Variants in SGK1 observed in about 807,000 individuals in gnomAD.
SGK1 encodes serine/threonine-protein kinase Sgk1.
A neutral mutation model predicts 64.2 loss-of-function variants in SGK1; 26 were observed. That is an observed-to-expected ratio of 0.40 (90% CI 0.30 to 0.56). SGK1 has a LOEUF of 0.56. Ranked by LOEUF, SGK1 falls within the 20% of genes least tolerant of loss-of-function variation. SGK1 has a pLI of 0.38. For synonymous variants in SGK1, 265 were observed against 239.7 expected (o/e 1.11, Z -0.98); for missense variants, 519 against 645.6 (o/e 0.80, Z 2.12).
chr6:134,317,224 A>G (rs748968541), intron 1 of SGK1, among the ~76,000 whole-genome samples, 168 bp downstream of exon 1: 4 of 152,024 alleles, frequency 2.6e-5, no homozygotes, highest in African/African-American at 7.2e-5. Flanking sequence ...CCCTCCTCCA[A>G]CAAATTCTAA....
intron 1 of SGK1, among the ~76,000 whole-genome samples, chr6:134,272,485 GTCTC>G (rs892638207): frequency 6.9e-6 from 1 of 145,334 alleles, no homozygotes; most frequent in Non-Finnish European, 1.5e-5. Flanking sequence ...TTTTTTAACT[GTCTC>G]TCTCTCTCTA....
chr6:134,241,576 C>A (rs1433114217), intron 2 of SGK1, among the ~76,000 whole-genome samples: 1 of 152,110 alleles, frequency 6.6e-6, no homozygotes, highest in Non-Finnish European at 1.5e-5. Context: ...TCTACGAAGT[C>A]TGTCTTCCTA....
intron 2 of SGK1, among the ~76,000 whole-genome samples, chr6:134,217,089 G>A (rs949476370): frequency 1.3e-5 from 2 of 152,176 alleles, no homozygotes; most frequent in Non-Finnish European, 2.9e-5. Context: ...GAGCTGAGGG[G>A]ATCAGGGGAC....
At chr6:134,277,960 G>T (rs914470026) in intron 1 of SGK1, among the ~76,000 whole-genome samples, 3 of 152,202 alleles carry the variant, frequency 2.0e-5, no homozygotes, top group East Asian at 1.9e-4. Flanking sequence ...TGAATTAAGA[G>T]AATTGGATTC....
chr6:134,173,016 T>G lies in SGK1; in HGVS notation c.834+7A>C. ...ACTAAGAGTTGACTTCTATCCCCCCTGCTCACCTCTCCACCATTAATGTAG... is the reference window on the plus strand; with the variant it reads ...ACTAAGAGTTGACTTCTATCCCCCCGGCTCACCTCTCCACCATTAATGTAG... On this transcript the variant is annotated splice_region_variant and intron_variant, in intron 8 of 13. Coordinates refer to ENST00000367858, the MANE Select transcript of SGK1 (RefSeq NM_001143676.3). The G allele has an allele frequency of 6.2e-7, 1 of 1,609,942 alleles. No individual in the cohort carries two copies.
intron 3 of SGK1, among the ~76,000 whole-genome samples, chr6:134,177,043 G>A (rs1468169485): frequency 1.3e-5 from 2 of 152,146 alleles, no homozygotes; most frequent in African/African-American, 4.8e-5. Flanking sequence ...GTGAAACCCC[G>A]TCTCTACTGA....
intron 1 of SGK1, among the ~76,000 whole-genome samples, chr6:134,278,467 A>G (rs1319380713): frequency 5.9e-5 from 9 of 152,152 alleles, no homozygotes; most frequent in African/African-American, 2.2e-4. Context: ...TCTTATTACC[A>G]CTCTCTGATG....
chr6:134,219,831 G>A (rs572374094), intron 2 of SGK1, among the ~76,000 whole-genome samples: 5 of 148,228 alleles, frequency 3.4e-5, no homozygotes, highest in Non-Finnish European at 5.9e-5. Flanking sequence ...AGGCCGAGGC[G>A]GGCGGATCAC....
chr6:134,308,157 A>G (rs1359713472), intron 1 of SGK1, among the ~76,000 whole-genome samples: 1 of 152,188 alleles, frequency 6.6e-6, no homozygotes, highest in Non-Finnish European at 1.5e-5. Context: ...TTTTTACAGT[A>G]CAACCTAAAT....
rs575886021 is a variant in SGK1 at position 134,286,309 on chromosome 6, T to A, written c.70-24161A>T. Reference sequence around the variant, plus strand: ...CCTGTCTCTACAAAAAATAAAATAATTAGCTGGGCATGGTGGTGCACACCT... The same window carrying A: ...CCTGTCTCTACAAAAAATAAAATAAATAGCTGGGCATGGTGGTGCACACCT... On this transcript the variant is annotated intron_variant, in intron 1 of 13. Coordinates refer to ENST00000367858, the MANE Select transcript of SGK1 (RefSeq NM_001143676.3). Among the ~76,000 whole-genome samples the A allele has an allele frequency of 6.6e-5, 10 of 152,110 alleles. 1 individual carries two copies. Among genetic ancestry groups the A allele is most frequent in the Admixed American group, 3.9e-4 (6 of 15,284 alleles).
At chr6:134,199,048 G>A (rs775158247) in intron 3 of SGK1, among the ~76,000 whole-genome samples, 12 of 151,958 alleles carry the variant, frequency 7.9e-5, no homozygotes, top group Non-Finnish European at 1.2e-4. Context: ...ACCACACCCA[G>A]CTTGAGCTGA....
At chr6:134,215,904 T>C (rs1018670639) in intron 2 of SGK1, among the ~76,000 whole-genome samples, 1 of 152,066 alleles carries the variant, frequency 6.6e-6, no homozygotes. Flanking sequence ...TAATCCCAGC[T>C]ACTTGGGAGG....
At position 134,187,824 on chromosome 6, in the gene SGK1, T is replaced by A. The variant is rs114306100; in HGVS notation, c.362-13238A>T. Reference sequence around the variant, plus strand: ...AAGGCAAATCCATATTCAGAATAAGTGTCTACTGCAGTAAGGACAAAACAC... The same window carrying A: ...AAGGCAAATCCATATTCAGAATAAGAGTCTACTGCAGTAAGGACAAAACAC... On this transcript the variant is annotated intron_variant, in intron 3 of 13. Transcript: ENST00000367858. 2.4e-3 allele frequency among the ~76,000 whole-genome samples: 373 copies of A among 152,326 alleles called. 3 individuals carry two copies. The highest frequency in any genetic ancestry group is 8.5e-3 in the African/African-American group (354 of 41,564).
intron 3 of SGK1, 56 bp from the exon 4 acceptor site, chr6:134,174,642 C>A (rs759557616): frequency 6.2e-7 from 1 of 1,601,906 alleles, no homozygotes; most frequent in Non-Finnish European, 8.6e-7. Flanking sequence ...TAACGTCCGG[C>A]GCCACACACA....
At chr6:134,232,413 G>GAAAAGAAAGAGAGAGAGAAAGAAAGAA (rs79009962) in intron 2 of SGK1, among the ~76,000 whole-genome samples, 5 of 47,706 alleles carry the variant, frequency 1.0e-4, no homozygotes, top group Non-Finnish European at 2.1e-4. Flanking sequence ...AAGAAAGAAA[G>GAAAAGAAAGAGAGAGAGAAAGAAAGAA]AGAAAGAAAG....
intron 1 of SGK1, among the ~76,000 whole-genome samples, chr6:134,304,500 AAGTT>A (rs1317993006): frequency 1.3e-5 from 2 of 152,240 alleles, no homozygotes; most frequent in African/African-American, 4.8e-5. Context: ...AAAGATATAA[AAGTT>A]AGCCGGGTGT....
intron 2 of SGK1, among the ~76,000 whole-genome samples, chr6:134,219,368 C>T (rs924479806): frequency 3.9e-5 from 6 of 152,098 alleles, no homozygotes; most frequent in African/African-American, 1.2e-4. Flanking sequence ...GTTTCCACTT[C>T]GCCTATTTAA....
Position 134,277,984 on chromosome 6 carries a change from G to A in SGK1, c.70-15836C>T, listed in dbSNP as rs945899465. Among the ~76,000 whole-genome samples the A allele has an allele frequency of 1.5e-4, 23 of 152,136 alleles. 1 individual carries two copies. The highest frequency in any genetic ancestry group is 4.1e-4 in the South Asian group (2 of 4,832). Reference sequence around the variant, plus strand: ...AGAATTGGATTCCAGTTCTAGCTTCGTAACTACCTTGAGCAAGACACTGAA... The same window carrying A: ...AGAATTGGATTCCAGTTCTAGCTTCATAACTACCTTGAGCAAGACACTGAA... On this transcript the variant is annotated intron_variant, in intron 1 of 13. Coordinates refer to ENST00000367858, the MANE Select transcript of SGK1 (RefSeq NM_001143676.3).
rs1775124459 is a variant in SGK1, at chr6:134,174,009, G to A, written c.509C>T (p.Pro170Leu). Reference protein sequence around the residue: ...EPELMNANPSPPPSPSQQINL... With the variant: ...EPELMNANPSLPPSPSQQINL... ...ACGGCACATACAAAAACTTACTGGA[G>A]GAGAAGGGTTGGCATTCATAAGCTC... The change falls in exon 5 of 14, where the codon CCT (proline) becomes CTT (leucine). Residue 170 changes from proline to leucine, a missense_variant. Physicochemically the swap from Pro to Leu is moderately conservative, Grantham distance 98. Coordinates refer to ENST00000367858, the MANE Select transcript of SGK1 (RefSeq NM_001143676.3). The A allele has an allele frequency of 1.2e-6, 2 of 1,611,526 alleles. No individual in the cohort carries two copies. The highest frequency in any genetic ancestry group is 1.1e-5 in the South Asian group (1 of 90,908).
Sources: allele counts gnomAD v4.1 joint callset (sites outside exome capture counted in the v4.1 genomes callset), GRCh38; gene constraint gnomAD v4.1.1; transcripts MANE v1.5; gene names NCBI Gene and HGNC (gene_info 2026-07-23, HGNC 2026-07-21).